Variants in RBBP7 observed in about 807,000 individuals in gnomAD.
RBBP7 encodes the protein RB binding protein 7, chromatin remodeling factor, also known as histone-binding protein RBBP7.
Under a neutral mutation model 35.2 loss-of-function variants are expected in RBBP7, and 5 were observed. The observed-to-expected ratio is 0.14, with a 90% CI of 0.07 to 0.30. RBBP7 has a LOEUF of 0.30. RBBP7 is among the 10% of genes least tolerant of loss of function. The pLI, the probability that RBBP7 is intolerant of heterozygous loss-of-function variation, is 1.00. For missense variants in RBBP7, 155 were observed against 327.5 expected, an observed-to-expected ratio of 0.47 and a Z score of 4.07; for synonymous variants, 140 against 118.7, an observed-to-expected ratio of 1.18 and a Z score of -1.17.
intron 10 of RBBP7, chrX:16,846,963 T>C (rs1220785939): frequency 1.8e-5 from 2 of 109,999 alleles, no homozygotes; most frequent in African/African-American, 6.7e-5. Flanking sequence ...ACCCCGTCTC[T>C]ACAAAAAATA....
intron 11 of RBBP7, 120 bp from the exon 12 acceptor site, chrX:16,845,223 A>C: frequency 1.9e-6 from 1 of 529,648 alleles, no homozygotes; most frequent in Non-Finnish European, 3.1e-6. Context: ...TCTCTTAAAA[A>C]CTTCAATAAG....
At chrX:16,849,065 G>A in intron 10 of RBBP7, 179 bp downstream of exon 10, 1 of 365,252 alleles carries the variant, frequency 2.7e-6, no homozygotes. Context: ...AAAACCTACT[G>A]GGCTCCATTT....
intron 3 of RBBP7, among the ~76,000 whole-genome samples, chrX:16,859,514 C>T (rs137971003): frequency 6.2e-5 from 7 of 112,131 alleles, no homozygotes; most frequent in Non-Finnish European, 3.8e-5. Context: ...ATAAAAAGTA[C>T]GGTAACTTCC....
intron 3 of RBBP7, among the ~76,000 whole-genome samples, chrX:16,860,674 GA>G (rs1260853212): frequency 1.1e-4 from 6 of 53,742 alleles, no homozygotes; most frequent in African/African-American, 3.2e-4. Flanking sequence ...ACTTCGTCTC[GA>G]AAAAAAAAAG....
chrX:16,869,096 C>A lies in RBBP7; in HGVS notation c.141G>T (p.Gln47His). The change falls in exon 2 of 12, where the codon CAG (glutamine) becomes CAT (histidine). Residue 47 changes from glutamine to histidine, a missense_variant. Physicochemically the swap from Gln to His is conservative, Grantham distance 24 (BLOSUM62 0). Around this residue, in one of 3 missense-constraint regions of RBBP7, gnomAD observed 59 missense variants for 90.4 expected, o/e 0.65. Transcript: ENST00000380087. Reference protein sequence around the residue: ...HALQWPSLTVQWLPEVTKPEG... With the variant: ...HALQWPSLTVHWLPEVTKPEG... ...CTTACTTAGTCACTTCAGGAAGCCA[C>A]TGAACGGTAAGACTGGGCCACTGAA... 1 of 1,210,625 alleles carries A rather than the reference C, an allele frequency of 8.3e-7. No homozygotes were observed. Among genetic ancestry groups the A allele is most frequent in the Non-Finnish European group, 1.1e-6 (1 of 895,081 alleles).
chrX:16,862,915 T>A (rs776602733), intron 3 of RBBP7, 40 bp downstream of exon 3: 2 of 1,179,849 alleles, frequency 1.7e-6, no homozygotes, highest in East Asian at 3.0e-5. Context: ...AAGAGACATT[T>A]TCCCTTTGAC....
chrX:16,849,475 CTA>C (rs1173609285), intron 9 of RBBP7, among the ~76,000 whole-genome samples, 174 bp from the exon 10 acceptor site: 6 of 110,986 alleles, frequency 5.4e-5, no homozygotes, highest in African/African-American at 2.0e-4. Flanking sequence ...CATGGCCTCG[CTA>C]TGTTTCCCAG....
intron 9 of RBBP7, among the ~76,000 whole-genome samples, 180 bp from the exon 10 acceptor site, chrX:16,849,481 T>C (rs1043479073): frequency 9.0e-6 from 1 of 111,314 alleles, no homozygotes; most frequent in African/African-American, 3.3e-5. Flanking sequence ...CTCGCTATGT[T>C]TCCCAGGCTG....
intron 9 of RBBP7, among the ~76,000 whole-genome samples, chrX:16,851,688 C>T (rs1156536728): frequency 8.9e-6 from 1 of 111,963 alleles, no homozygotes; most frequent in Non-Finnish European, 1.9e-5. Context: ...AAAAAACAGT[C>T]CTGCCTACAC....
intron 5 of RBBP7, among the ~76,000 whole-genome samples, chrX:16,854,737 G>GAAA (rs1266678259): frequency 1.8e-5 from 2 of 108,609 alleles, no homozygotes; most frequent in Admixed American, 2.0e-4. Context: ...TGTGCTCCTT[G>GAAA]AAACGTCAGC....
intron 4 of RBBP7, 117 bp from the exon 5 acceptor site, chrX:16,857,826 C>A: frequency 1.0e-6 from 1 of 998,065 alleles, no homozygotes. Flanking sequence ...GAGATCTGGT[C>A]TTTAATACCC....
At chrX:16,857,559 C>T (rs753673309) in intron 5 of RBBP7, 35 bp downstream of exon 5, 3 of 1,208,993 alleles carry the variant, frequency 2.5e-6, no homozygotes, top group Non-Finnish European at 3.4e-6. Flanking sequence ...TCAGCTCTCA[C>T]TATATGAACA....
intron 5 of RBBP7, among the ~76,000 whole-genome samples, chrX:16,855,282 C>T (rs958658462): frequency 9.8e-5 from 11 of 112,249 alleles, no homozygotes; most frequent in African/African-American, 3.6e-4. Context: ...GTACTCCTGA[C>T]TTCAGGTGAC....
intron 1 of RBBP7, chrX:16,869,759 C>T: frequency 1.0e-6 from 1 of 963,091 alleles, no homozygotes; most frequent in East Asian, 4.3e-5. Flanking sequence ...CCGCCTCCGC[C>T]CCGGGGCCGA....
intron 3 of RBBP7, 88 bp from the exon 4 acceptor site, chrX:16,858,937 C>T (rs1930408174): frequency 2.7e-6 from 3 of 1,124,777 alleles, no homozygotes; most frequent in Non-Finnish European, 3.6e-6. Context: ...CAGATTTTGA[C>T]CTGGCAGAAT....
intron 2 of RBBP7, among the ~76,000 whole-genome samples, chrX:16,864,896 G>C (rs766288703): frequency 1.6e-4 from 17 of 108,722 alleles, no homozygotes; most frequent in Admixed American, 1.5e-3. Context: ...TACTTTATGA[G>C]GACTTGGATA....
chrX:16,860,272 TAA>T (rs11304639), intron 3 of RBBP7, among the ~76,000 whole-genome samples: 5 of 58,783 alleles, frequency 8.5e-5, no homozygotes, highest in Non-Finnish European at 1.2e-4. Context: ...AGCTCTCCTT[TAA>T]AAAAAAAAGG....
intron 2 of RBBP7, among the ~76,000 whole-genome samples, chrX:16,868,022 C>T (rs963757015): frequency 1.8e-5 from 2 of 112,034 alleles, no homozygotes; most frequent in East Asian, 2.8e-4. Context: ...GTTGCAAAAT[C>T]CTCTTTTTAG....
In RBBP7 at chrX:16,849,303, T is replaced by C; in HGVS notation, c.1041-2A>G. The C allele has an allele frequency of 8.3e-7, 1 of 1,207,507 alleles. No individual in the cohort carries two copies. The highest frequency in any genetic ancestry group is 1.1e-6 in the Non-Finnish European group (1 of 892,239). ...GCTGATTGTTCTTCCCCAATTTTAC[T>C]GTAAGAATAAAGAATATAACGCTTT... On this transcript the variant is annotated splice_acceptor_variant, in intron 9 of 11. Coordinates refer to ENST00000380087, the MANE Select transcript of RBBP7 (RefSeq NM_002893.4). LOFTEE classifies it high-confidence loss of function.
Sources: allele counts gnomAD v4.1 joint callset (sites outside exome capture counted in the v4.1 genomes callset), GRCh38; gene constraint gnomAD v4.1.1; regional missense constraint gnomAD v4.1.1; transcripts MANE v1.5; gene names NCBI Gene and HGNC (gene_info 2026-07-23, HGNC 2026-07-21).